The following SMIM10L3 variants were observed in gnomAD, a reference collection of about 807,000 sequenced individuals.
SMIM10L3 encodes the protein small integral membrane protein 10 like 3.
the SMIM10L3 span, chr7:6,330,564 G>T: frequency 6.2e-7 from 1 of 1,614,170 alleles, no homozygotes; most frequent in South Asian, 1.1e-5. Flanking sequence ...CGGGATACAC[G>T]TGCAGCGTTG....
At chr7:6,341,188 A>T in the SMIM10L3 span, among the ~76,000 whole-genome samples, 62,978 of 149,812 alleles carry the variant, frequency 0.42, 13,829 homozygotes, top group East Asian at 0.87. Context: ...CTCACCCCTG[A>T]AATCCCAGCA....
the SMIM10L3 span, chr7:6,330,402 T>G: frequency 1.2e-6 from 2 of 1,613,536 alleles, no homozygotes; most frequent in South Asian, 2.2e-5. Flanking sequence ...TATTTGCTAA[T>G]TCAAAAGGTT....
the SMIM10L3 span, among the ~76,000 whole-genome samples, chr7:6,341,312 G>A: frequency 9.9e-5 from 15 of 151,428 alleles, no homozygotes; most frequent in Non-Finnish European, 1.8e-4. Context: ...GCCTGGTGGC[G>A]GGCGCCTGTA....
At chr7:6,344,778 T>C in the SMIM10L3 span, among the ~76,000 whole-genome samples, 1 of 152,170 alleles carries the variant, frequency 6.6e-6, no homozygotes, top group Non-Finnish European at 1.5e-5. Flanking sequence ...TCTCACTGTG[T>C]TGCCCAGGCT....
At chr7:6,346,551 T>G in the SMIM10L3 span, among the ~76,000 whole-genome samples, 1 of 152,030 alleles carries the variant, frequency 6.6e-6, no homozygotes, top group Non-Finnish European at 1.5e-5. Flanking sequence ...CAGCTAATTT[T>G]TTGTATTTTA....
chr7:6,330,716 TG>T, the SMIM10L3 span: 1 of 1,614,126 alleles, frequency 6.2e-7, no homozygotes, highest in Non-Finnish European at 8.5e-7. Context: ...GGCTCTCCTT[TG>T]GGGCACTGTC....
the SMIM10L3 span, among the ~76,000 whole-genome samples, chr7:6,344,261 T>C: frequency 2.0e-5 from 3 of 152,274 alleles, no homozygotes; most frequent in South Asian, 6.2e-4. Context: ...TCAGGTAAGT[T>C]AGTGTTTTTT....
chr7:6,329,622 G>A, the SMIM10L3 span: 2 of 160,972 alleles, frequency 1.2e-5, no homozygotes, highest in East Asian at 3.8e-4. Flanking sequence ...GACGACAACA[G>A]GAGTCACCTT....
At chr7:6,337,070 AT>A in the SMIM10L3 span, among the ~76,000 whole-genome samples, 1 of 151,050 alleles carries the variant, frequency 6.6e-6, no homozygotes, top group African/African-American at 2.4e-5. Flanking sequence ...AGGTATTTTA[AT>A]TCTTTTTTTT....
chr7:6,344,636 C>A, the SMIM10L3 span, among the ~76,000 whole-genome samples: 1 of 151,878 alleles, frequency 6.6e-6, no homozygotes, highest in Non-Finnish European at 1.5e-5. Context: ...CCAGGCTGGT[C>A]TCAAACTCCT....
At chr7:6,334,689 C>G in the SMIM10L3 span, among the ~76,000 whole-genome samples, 2 of 151,942 alleles carry the variant, frequency 1.3e-5, no homozygotes, top group Non-Finnish European at 2.9e-5. Flanking sequence ...TGGTCTCAAA[C>G]TCCTGAGCTC....
chr7:6,332,707 A>T, the SMIM10L3 span, among the ~76,000 whole-genome samples: 4 of 152,138 alleles, frequency 2.6e-5, no homozygotes, highest in Non-Finnish European at 5.9e-5. Context: ...CTCAAAAAAT[A>T]AAAATTAAAA....
the SMIM10L3 span, chr7:6,341,787 C>T: frequency 6.6e-6 from 1 of 151,736 alleles, no homozygotes; most frequent in South Asian, 2.1e-4. Flanking sequence ...CACCTGAGGT[C>T]AGGGGTTCAA....
chr7:6,348,940 C>T, the SMIM10L3 span: 1 of 381,926 alleles, frequency 2.6e-6, no homozygotes, highest in East Asian at 3.8e-5. Flanking sequence ...CGCGAGCAGC[C>T]GCCTGTACCA....
chr7:6,348,236 G>GGGT, the SMIM10L3 span, among the ~76,000 whole-genome samples: 1 of 151,088 alleles, frequency 6.6e-6, no homozygotes, highest in East Asian at 2.0e-4. Flanking sequence ...AAAATAAGGG[G>GGGT]GGGGGTTGCA....
the SMIM10L3 span, chr7:6,330,776 G>A: frequency 5.6e-6 from 9 of 1,614,086 alleles, no homozygotes; most frequent in Non-Finnish European, 6.8e-6. Context: ...CAGTCTCGCC[G>A]CCCCAGAGCT....
the SMIM10L3 span, among the ~76,000 whole-genome samples, chr7:6,331,738 C>CTTTTTT: frequency 3.4e-5 from 4 of 117,760 alleles, no homozygotes; most frequent in Admixed American, 8.8e-5. Flanking sequence ...ATAATAGAGG[C>CTTTTTT]TTTTTTTTTT....
chr7:6,343,812 T>C, the SMIM10L3 span, among the ~76,000 whole-genome samples: 2 of 152,112 alleles, frequency 1.3e-5, no homozygotes, highest in African/African-American at 2.4e-5. Flanking sequence ...AGGGGCTCCC[T>C]AAACAAATTT....
At chr7:6,331,285 TAAGAG>T in the SMIM10L3 span, 6 of 808,142 alleles carry the variant, frequency 7.4e-6, no homozygotes, top group Non-Finnish European at 1.2e-5. Context: ...ACATGGGTCT[TAAGAG>T]CATCTACACC....
Sources: gnomAD v4.1 joint callset for allele counts (sites outside exome capture counted in the v4.1 genomes callset) on GRCh38, gnomAD v4.1.1 for gene constraint, MANE v1.5 for transcripts, NCBI Gene and HGNC (gene_info 2026-07-23, HGNC 2026-07-21) for gene names.